Variants in TFCP2L1 observed in about 807,000 individuals in gnomAD.
TFCP2L1 encodes the protein transcription factor CP2 like 1, also known as transcription factor CP2-like protein 1.
In TFCP2L1, 12 loss-of-function variants were observed where a neutral mutation model predicts 72.2. The observed-to-expected ratio is 0.17, with a 90% CI of 0.11 to 0.27. The LOEUF (loss-of-function observed/expected upper bound fraction) is 0.27, where lower values mean the gene tolerates loss of function less well. Ranked by LOEUF, TFCP2L1 falls within the 10% of genes least tolerant of loss-of-function variation. The probability of loss-of-function intolerance (pLI) is 1.00; values close to 1 mark genes in which losing one functional copy is unlikely to be tolerated. For missense variants in TFCP2L1, 488 were observed against 624.6 expected, an observed-to-expected ratio of 0.78 and a Z score of 2.33; for synonymous variants, 260 against 251.0, an observed-to-expected ratio of 1.04 and a Z score of -0.34.
At chr2:121,242,305 C>G in intron 7 of TFCP2L1, 54 bp downstream of exon 7, 1 of 1,486,180 alleles carries the variant, frequency 6.7e-7, no homozygotes, top group Middle Eastern at 1.7e-4. Flanking sequence ...ACCAGCAGCC[C>G]TGCTCCTGGT....
rs202194412 is a variant in TFCP2L1 at position 121,237,829 on chromosome 2, C to T, written c.882G>A (p.Pro294=). 8.7e-5 allele frequency: 141 copies of T among 1,614,098 alleles called. No homozygotes were observed. The highest frequency in any genetic ancestry group is 1.1e-4 in the Non-Finnish European group (129 of 1,180,020). ...LGEGNASPTH[P]VEALPVGSDH... is the part of the protein sequence containing the mutation. ...CACTGCCCACGGGCAGGGCCTCCAC[C>T]GGGTGGGTCGGAGAGGCGTTGCTGC... Residue 294 remains proline, a synonymous_variant, in exon 9 of 15, where the codon CCG becomes CCA. Transcript: ENST00000263707.
intron 1 of TFCP2L1, 147 bp from the exon 2 acceptor site, chr2:121,281,418 A>C: frequency 1.3e-6 from 1 of 792,630 alleles, no homozygotes; most frequent in Non-Finnish European, 1.9e-6. Flanking sequence ...CACTCCTGCA[A>C]CCCTCGAATA....
chr2:121,282,613 C>G (rs1687287483), intron 1 of TFCP2L1, among the ~76,000 whole-genome samples: 1 of 152,042 alleles, frequency 6.6e-6, no homozygotes, highest in African/African-American at 2.4e-5. Flanking sequence ...ACATGAATGA[C>G]CTACAGGCAG....
In TFCP2L1 at chr2:121,242,934, T is replaced by A. The variant is rs1446122449; in HGVS notation, c.658-465A>T. Among the ~76,000 whole-genome samples, 8 of 152,194 alleles carry A rather than the reference T, an allele frequency of 5.3e-5. No homozygotes were observed. In the East Asian group the frequency reaches 1.5e-3, roughly 29 times the overall value. On this transcript the variant is annotated intron_variant, in intron 6 of 14. Coordinates refer to ENST00000263707, the MANE Select transcript of TFCP2L1 (RefSeq NM_014553.3). ...CTCTGTCTGCAGGGGAACGTCTCCA[T>A]CCAGAGAGAGAGCCTGACAATCATG... is the stretch of plus-strand genomic sequence containing the variant.
In TFCP2L1 at chr2:121,219,914, G is replaced by A. The variant is rs1184944577; in HGVS notation, c.*4427C>T. The A allele has an allele frequency of 6.6e-6, 1 of 152,166 alleles. No homozygotes were observed. Among genetic ancestry groups the A allele is most frequent in the Non-Finnish European group, 1.5e-5 (1 of 68,042 alleles). The allele number at this position is 152,166 out of a possible 1,614,324, so 9.4% of individuals were successfully genotyped here. ...CCAGAGAGGCAAAGAGACTCATACTGAGCGAGGGTCTGGGATCTAGGACCC... is the reference window on the plus strand; with the variant it reads ...CCAGAGAGGCAAAGAGACTCATACTAAGCGAGGGTCTGGGATCTAGGACCC... On this transcript the variant is annotated 3_prime_UTR_variant, in exon 15 of 15. Transcript: ENST00000263707.
chr2:121,224,391 C>T lies in TFCP2L1; in HGVS notation c.1394-4G>A. The stretch of plus-strand genomic sequence containing the variant: ...TGGTAGCCATCATTGCTCTCAGCTG[C>T]AAGAGAGAAACACTGGGTGTATTTC... On this transcript the variant is annotated splice_polypyrimidine_tract_variant and splice_region_variant and intron_variant, in intron 14 of 14. Coordinates refer to ENST00000263707, the MANE Select transcript of TFCP2L1 (RefSeq NM_014553.3). The T allele has an allele frequency of 6.2e-7, 1 of 1,613,638 alleles. No homozygotes were observed.
intron 2 of TFCP2L1, among the ~76,000 whole-genome samples, chr2:121,250,835 G>T (rs1030050728): frequency 6.6e-6 from 1 of 151,800 alleles, no homozygotes; most frequent in Non-Finnish European, 1.5e-5. Context: ...TCAAACTCCT[G>T]ACCTCGTGAT....
chr2:121,278,981 G>C (rs527262862), intron 2 of TFCP2L1, among the ~76,000 whole-genome samples: 7 of 152,050 alleles, frequency 4.6e-5, no homozygotes, highest in Non-Finnish European at 1.0e-4. Flanking sequence ...TCCAGCCTGG[G>C]AGACAGAGCA....
intron 2 of TFCP2L1, among the ~76,000 whole-genome samples, chr2:121,271,103 T>C (rs1357319951): frequency 6.6e-6 from 1 of 150,808 alleles, no homozygotes; most frequent in African/African-American, 2.4e-5. Flanking sequence ...GGCAGGAGAA[T>C]CGCTTGAACC....
Position 121,220,272 on chromosome 2 carries a change from C to T in TFCP2L1, c.*4069G>A, listed in dbSNP as rs1012093767. 2 of 152,200 alleles carry T rather than the reference C, an allele frequency of 1.3e-5. No individual in the cohort carries two copies. The highest frequency in any genetic ancestry group is 2.9e-5 in the Non-Finnish European group (2 of 68,094). The allele number at this position is 152,200 out of a possible 1,614,324, so 9.4% of individuals were successfully genotyped here. On this transcript the variant is annotated 3_prime_UTR_variant, in exon 15 of 15. Transcript: ENST00000263707. ...TCTGGGCTGTCTGGGCAAGAGGTCA[C>T]TAGGGCAACACCTGACCTTTGTTTA...
intron 11 of TFCP2L1, among the ~76,000 whole-genome samples, chr2:121,234,799 C>T (rs1333551059): frequency 2.6e-5 from 4 of 152,258 alleles, no homozygotes; most frequent in Non-Finnish European, 2.9e-5. Context: ...GTGTGCAGGA[C>T]GGCGCTGCTC....
chr2:121,255,390 G>A (rs1440327097), intron 2 of TFCP2L1, among the ~76,000 whole-genome samples: 2 of 152,172 alleles, frequency 1.3e-5, no homozygotes, highest in Non-Finnish European at 2.9e-5. Flanking sequence ...GTGAGAGGGA[G>A]CTGGTCTTAG....
rs139512832 is a variant in TFCP2L1, at chr2:121,224,053, C to T, written c.*288G>A. 259 of 487,940 alleles carry T rather than the reference C, an allele frequency of 5.3e-4. 2 individuals are homozygous for T. Among genetic ancestry groups the T allele is most frequent in the African/African-American group, 3.4e-3 (174 of 51,802 alleles). 30.2% of individuals were successfully genotyped at this position (487,940 alleles called of 1,614,324 possible). A position where few individuals can be genotyped will look rare whatever the true frequency, so the allele number is the denominator to read the frequency against. Reference sequence around the variant, plus strand: ...AGGGATTTCAGAGCAGACGTCTCCACTGTTTGCCCTTTTAGAACGTCAGGG... The same window carrying T: ...AGGGATTTCAGAGCAGACGTCTCCATTGTTTGCCCTTTTAGAACGTCAGGG... On this transcript the variant is annotated 3_prime_UTR_variant, in exon 15 of 15. Transcript: ENST00000263707.
chr2:121,253,146 G>A (rs1686644278), intron 2 of TFCP2L1, among the ~76,000 whole-genome samples: 1 of 152,242 alleles, frequency 6.6e-6, no homozygotes, highest in African/African-American at 2.4e-5. Context: ...CACTGGCCGA[G>A]CACAGCCATG....
chr2:121,269,457 C>CA (rs1421631502), intron 2 of TFCP2L1, among the ~76,000 whole-genome samples: 5 of 149,366 alleles, frequency 3.3e-5, no homozygotes, highest in African/African-American at 1.2e-4. Context: ...AAAACAACAA[C>CA]AACAAAAAAA....
At chr2:121,231,694 AC>A in intron 13 of TFCP2L1, 131 bp downstream of exon 13, 1 of 1,335,452 alleles carries the variant, frequency 7.5e-7, no homozygotes, top group East Asian at 2.5e-5. Context: ...CCGGACAGCC[AC>A]AGCTGCAGGT....
intron 3 of TFCP2L1, 112 bp downstream of exon 3, chr2:121,249,459 C>T (rs999059436): frequency 1.0e-5 from 10 of 964,842 alleles, no homozygotes; most frequent in African/African-American, 4.8e-5. Flanking sequence ...GAGCTGAACC[C>T]GGCCTCTCCC....
Position 121,224,270 on chromosome 2 carries a change from TG to T in TFCP2L1, c.*70del. 1 of 1,581,592 alleles carries T rather than the reference TG, an allele frequency of 6.3e-7. No homozygotes were observed. The highest frequency in any genetic ancestry group is 8.7e-7 in the Non-Finnish European group (1 of 1,154,926). ...TGCCTGGTGAGGCCACAGCTTACAG[TG>T]GGGCAATGTCTACATCCACGGGGAT... On this transcript the variant is annotated 3_prime_UTR_variant, in exon 15 of 15. Transcript: ENST00000263707.
intron 11 of TFCP2L1, 90 bp from the exon 12 acceptor site, chr2:121,234,284 A>C: frequency 8.2e-7 from 1 of 1,216,040 alleles, no homozygotes; most frequent in South Asian, 1.3e-5. Flanking sequence ...TAGTGGGCAG[A>C]ACTCAGGGAG....
Sources: allele counts gnomAD v4.1 joint callset (sites outside exome capture counted in the v4.1 genomes callset), GRCh38; gene constraint gnomAD v4.1.1; transcripts MANE v1.5; gene names NCBI Gene and HGNC (gene_info 2026-07-23, HGNC 2026-07-21).